The following ITPR1 variants were observed in gnomAD, a reference collection of about 807,000 sequenced individuals.
ITPR1 encodes inositol 1,4,5-trisphosphate-gated calcium channel ITPR1.
Under a neutral mutation model 318.4 loss-of-function variants are expected in ITPR1, and 96 were observed. That is an observed-to-expected ratio of 0.30 (90% CI 0.26 to 0.36). The LOEUF is 0.36. Ranked by LOEUF, ITPR1 falls within the 10% of genes least tolerant of loss-of-function variation. The probability of loss-of-function intolerance (pLI) is 1.00; values close to 1 mark genes in which losing one functional copy is unlikely to be tolerated. For synonymous variants in ITPR1, 1,312 were observed against 1,289.9 expected, an observed-to-expected ratio of 1.02 and a Z score of -0.37; for missense variants, 2,440 against 3,460.2, an observed-to-expected ratio of 0.71 and a Z score of 7.40.
chr3:4,597,443 A>G (rs1271092589), intron 4 of ITPR1, among the ~76,000 whole-genome samples: 1 of 152,184 alleles, frequency 6.6e-6, no homozygotes. Flanking sequence ...GCCCCCACGG[A>G]GACTGTAGTG....
At chr3:4,744,973 G>A (rs111323607) in intron 44 of ITPR1, among the ~76,000 whole-genome samples, 15 of 114,298 alleles carry the variant, frequency 1.3e-4, no homozygotes, top group African/African-American at 2.7e-4. Context: ...TCCTTCCTTC[G>A]TTCCCCTCTT....
chr3:4,718,346 C>T (rs1574994962), intron 40 of ITPR1, among the ~76,000 whole-genome samples: 1 of 152,144 alleles, frequency 6.6e-6, no homozygotes, highest in Non-Finnish European at 1.5e-5. Flanking sequence ...TTTTAGTAGA[C>T]CAACTAATGC....
At chr3:4,771,912 G>T (rs949376081) in intron 46 of ITPR1, among the ~76,000 whole-genome samples, 20 of 152,090 alleles carry the variant, frequency 1.3e-4, no homozygotes, top group Admixed American at 6.5e-5. Context: ...AAACTAGAGT[G>T]CTCCCTCACC....
rs546869117 is a variant in ITPR1, at chr3:4,563,368, G to T, written c.163+42274G>T. ...ACAAAGAATAAAAAAAATTAGCTGG[G>T]CATGGTGATGCACACCTGTGGTCCC... On this transcript the variant is annotated intron_variant, in intron 4 of 61. Transcript: ENST00000649015. Among the ~76,000 whole-genome samples the T allele has an allele frequency of 4.6e-5, 7 of 152,172 alleles. No individual in the cohort carries two copies. In the East Asian group the frequency reaches 1.4e-3, roughly 30 times the overall value.
At chr3:4,602,988 A>C (rs62231563) in intron 4 of ITPR1, among the ~76,000 whole-genome samples, 1 of 152,016 alleles carries the variant, frequency 6.6e-6, no homozygotes, top group Non-Finnish European at 1.5e-5. Flanking sequence ...ATTTTGTTGG[A>C]TGTGAACAAT....
At chr3:4,506,361 TTACTC>T (rs2124890521) in intron 2 of ITPR1, among the ~76,000 whole-genome samples, 1 of 152,362 alleles carries the variant, frequency 6.6e-6, no homozygotes, top group South Asian at 2.1e-4. Flanking sequence ...TACTAGCCGT[TTACTC>T]TACCTAAAAT....
At chr3:4,684,571 T>C (rs1173814572) in intron 29 of ITPR1, among the ~76,000 whole-genome samples, 4 of 152,338 alleles carry the variant, frequency 2.6e-5, no homozygotes, top group East Asian at 1.9e-4. Context: ...TTCCTCACCT[T>C]TTGTAGGTGC....
intron 44 of ITPR1, among the ~76,000 whole-genome samples, chr3:4,744,908 CCTTCCTTCCTTCCTTCCTTCCTT>C: frequency 7.7e-5 from 1 of 13,066 alleles, no homozygotes; most frequent in East Asian, 0.031. Context: ...CTCCTTCCTT[CCTTCCTTCCTTCCTTCCTTCCTT>C]CCTTCCTTCC....
chr3:4,844,404 G>A (rs189366367), intron 61 of ITPR1, among the ~76,000 whole-genome samples: 4 of 152,122 alleles, frequency 2.6e-5, no homozygotes, highest in Non-Finnish European at 5.9e-5. Context: ...GATTACAGGC[G>A]TGAGCCCGCT....
intron 4 of ITPR1, among the ~76,000 whole-genome samples, chr3:4,590,913 G>T (rs2090346625): frequency 6.6e-6 from 1 of 152,026 alleles, no homozygotes; most frequent in South Asian, 2.1e-4. Context: ...TCTGGTGTCT[G>T]TTGTTTCCTT....
intron 55 of ITPR1, among the ~76,000 whole-genome samples, chr3:4,809,069 G>T (rs1233279270): frequency 6.6e-6 from 1 of 152,206 alleles, no homozygotes; most frequent in African/African-American, 2.4e-5. Flanking sequence ...GCGCAATCCT[G>T]TGTTTTACCT....
chr3:4,835,169 G>A (rs947048738), intron 60 of ITPR1, among the ~76,000 whole-genome samples: 2 of 146,206 alleles, frequency 1.4e-5, no homozygotes, highest in African/African-American at 5.1e-5. Flanking sequence ...TGTTGTCCAT[G>A]TGGTATGACT....
intron 60 of ITPR1, chr3:4,830,859 C>G: frequency 2.2e-6 from 1 of 451,138 alleles, no homozygotes; most frequent in South Asian, 1.6e-5. Context: ...TCAAGCCCCC[C>G]TCACCCTCAA....
chr3:4,563,091 A>G (rs2086848693), intron 4 of ITPR1, among the ~76,000 whole-genome samples: 1 of 152,174 alleles, frequency 6.6e-6, no homozygotes, highest in Admixed American at 6.5e-5. Context: ...AGCATCAGGA[A>G]CACCAAGGGT....
chr3:4,514,249 G>A (rs1414959658), intron 2 of ITPR1, among the ~76,000 whole-genome samples: 1 of 152,154 alleles, frequency 6.6e-6, no homozygotes, highest in Non-Finnish European at 1.5e-5. Context: ...GTGGTCATGA[G>A]GATTCACTAA....
At chr3:4,694,287 A>T (rs1457311665) in intron 33 of ITPR1, among the ~76,000 whole-genome samples, 3 of 136,634 alleles carry the variant, frequency 2.2e-5, no homozygotes, top group African/African-American at 1.1e-4. Context: ...TGGATTATAA[A>T]GTATATATTT....
chr3:4,837,023 C>T, intron 61 of ITPR1, 88 bp downstream of exon 61: 2 of 1,200,134 alleles, frequency 1.7e-6, no homozygotes, highest in Non-Finnish European at 2.2e-6. Context: ...TGAGGAAAAT[C>T]AGTAGTGCTT....
At position 4,625,480 on chromosome 3, in the gene ITPR1, T is replaced by G. The variant is rs187823986; in HGVS notation, c.164-2283T>G. 1.2e-4 allele frequency among the ~76,000 whole-genome samples: 18 copies of G among 152,354 alleles called. No homozygotes were observed. In the East Asian group the frequency reaches 3.1e-3, roughly 26 times the overall value. On this transcript the variant is annotated intron_variant, in intron 4 of 61. Transcript: ENST00000649015. The stretch of plus-strand genomic sequence containing the variant: ...AAGAATAAATGTACAGTTAGTAACT[T>G]CCTTAAATGCTTGTCCAGACCTACT...
chr3:4,693,456 C>T (rs377245514), intron 32 of ITPR1, 34 bp from the exon 33 acceptor site: 109 of 1,600,916 alleles, frequency 6.8e-5, no homozygotes, highest in Non-Finnish European at 8.6e-5. Flanking sequence ...CCCCTGCAAG[C>T]TTGTAATCTA....
Sources: gnomAD v4.1 joint callset for allele counts (sites outside exome capture counted in the v4.1 genomes callset) on GRCh38, gnomAD v4.1.1 for gene constraint, MANE v1.5 for transcripts, NCBI Gene and HGNC (gene_info 2026-07-23, HGNC 2026-07-21) for gene names.